The following KCNQ1 variants were observed in gnomAD, a reference collection of about 807,000 sequenced individuals.
KCNQ1 encodes the protein potassium voltage-gated channel subfamily Q member 1.
In KCNQ1, 49 loss-of-function variants were observed where a neutral mutation model predicts 72.4. The ratio of observed to expected loss-of-function variants is 0.68; its 90% CI spans 0.54 to 0.86. The LOEUF (loss-of-function observed/expected upper bound fraction) is 0.86. Among genes scored for constraint, KCNQ1 ranks in the 40% least tolerant of loss-of-function variants. The pLI is 0.00. For synonymous variants in KCNQ1, 450 were observed against 412.6 expected (o/e 1.09, Z -1.10); for missense variants, 790 against 945.1 (o/e 0.84, Z 2.15).
chr11:2,574,452 C>T lies in KCNQ1; in HGVS notation c.921+1466C>T, dbSNP rs559369317. Among the ~76,000 whole-genome samples the T allele has an allele frequency of 3.4e-4, 52 of 151,922 alleles. 1 individual carries two copies. The South Asian group carries it at 8.3e-3, about 24-fold the overall frequency. On this transcript the variant is annotated intron_variant, in intron 6 of 15. Coordinates refer to ENST00000155840, the MANE Select transcript of KCNQ1 (RefSeq NM_000218.3). ...AGGGTGGGAGCCAAGGCCTGGGGGC[C>T]GCACGGGGGCTGGAGGTGGGGGCGG...
rs1033280601 is a variant in KCNQ1, at chr11:2,471,421, C to T, written c.386+25937C>T. Among the ~76,000 whole-genome samples the T allele has an allele frequency of 3.9e-5, 6 of 152,336 alleles. No individual in the cohort carries two copies. Among genetic ancestry groups the T allele is most frequent in the African/African-American group, 7.2e-5 (3 of 41,578 alleles). On this transcript the variant is annotated intron_variant, in intron 1 of 15. Coordinates refer to ENST00000155840, the MANE Select transcript of KCNQ1 (RefSeq NM_000218.3). This position sits in a 1 kb window ranked among gnomAD's most constrained non-coding sequence, Gnocchi z 4.8. ...CAACGCCACAGCCTCTGACACTCCA[C>T]GGCACTAAAGTGTCAAGAGACCCAG...
At chr11:2,819,871 C>G (rs1223672751) in intron 15 of KCNQ1, among the ~76,000 whole-genome samples, 2 of 152,272 alleles carry the variant, frequency 1.3e-5, no homozygotes, top group African/African-American at 4.8e-5. Flanking sequence ...TGAAACTTAT[C>G]CATCATATTG....
rs1849758382 is a variant in KCNQ1, at chr11:2,651,664, C to T, written c.1394-10297C>T. 2 of 398,676 alleles carry T rather than the reference C, an allele frequency of 5.0e-6. No homozygotes were observed. The highest frequency in any genetic ancestry group is 8.8e-6 in the Non-Finnish European group (2 of 226,080). 24.7% of individuals were successfully genotyped at this position (398,676 alleles called of 1,614,324 possible). On this transcript the variant is annotated intron_variant, in intron 10 of 15. Transcript: ENST00000155840. The surrounding 1 kb of genome is among the most constrained non-coding windows in gnomAD (Gnocchi z 6.1). ...CTCTGTCTCTCCCACAGCTCACTGA[C>T]ATTAGCCACGTGGCCCTCTGTTTCC...
intron 1 of KCNQ1, among the ~76,000 whole-genome samples, chr11:2,474,001 G>A (rs774995617): frequency 2.6e-5 from 4 of 152,354 alleles, no homozygotes; most frequent in African/African-American, 7.2e-5. Context: ...GCGGGCAGCC[G>A]GGCCAACCTG....
chr11:2,465,374 C>T (rs545586016), intron 1 of KCNQ1, among the ~76,000 whole-genome samples: 55 of 152,290 alleles, frequency 3.6e-4, no homozygotes, highest in Admixed American at 1.7e-3. Flanking sequence ...GTCCCCACAG[C>T]GGACTGCCTC....
At chr11:2,650,452 G>C in intron 10 of KCNQ1, 1 of 398,546 alleles carries the variant, frequency 2.5e-6, no homozygotes. Flanking sequence ...ATTTGGGTAG[G>C]GTGCTTTGGC....
chr11:2,560,042 G>A (rs866385545), intron 2 of KCNQ1, among the ~76,000 whole-genome samples: 21 of 149,578 alleles, frequency 1.4e-4, no homozygotes, highest in Non-Finnish European at 2.2e-4. Context: ...ACACGGGGGA[G>A]GGGGTACCGC....
chr11:2,674,554 G>A lies in KCNQ1; in HGVS notation c.1514+12473G>A, dbSNP rs1348734918. The A allele has an allele frequency of 1.0e-5, 4 of 398,590 alleles. No homozygotes were observed. The highest frequency in any genetic ancestry group is 2.5e-4 in the South Asian group (2 of 7,848). 24.7% of individuals were successfully genotyped at this position (398,590 alleles called of 1,614,324 possible). On this transcript the variant is annotated intron_variant, in intron 11 of 15. Coordinates refer to ENST00000155840, the MANE Select transcript of KCNQ1 (RefSeq NM_000218.3). This position sits in a 1 kb window ranked among gnomAD's most constrained non-coding sequence, Gnocchi z 5.9. Reference sequence around the variant, plus strand: ...TTCGGAGGATTTAGACAAATACCTCGAGTGAGTGAATCTGAAGCATGCTAG... The same window carrying A: ...TTCGGAGGATTTAGACAAATACCTCAAGTGAGTGAATCTGAAGCATGCTAG...
intron 11 of KCNQ1, chr11:2,699,486 GGGGAGAGTGCCGCGCTGAGGAGCCCCCA>G: frequency 3.2e-6 from 1 of 309,552 alleles, no homozygotes; most frequent in African/African-American, 3.4e-5. Context: ...AGGAGCCCCC[GGGGAGAGTGCCGCGCTGAGGAGCCCCCA>G]GGAGAGTGCC....
intron 11 of KCNQ1, among the ~76,000 whole-genome samples, chr11:2,733,814 A>ACACACACACCCACACACTCT: frequency 1.2e-5 from 1 of 86,614 alleles, no homozygotes; most frequent in Non-Finnish European, 2.4e-5. Context: ...ACACACACAC[A>ACACACACACCCACACACTCT]CTCTCTCACT....
rs1850575826 is a variant in KCNQ1 at position 2,690,816 on chromosome 11, G to A, written c.1514+28735G>A. The stretch of plus-strand genomic sequence containing the variant: ...GAGGTCCCTGTCTCCTTGGCTTCCA[G>A]CTTCCAGGCTCTGGCACTCCCACTG... On this transcript the variant is annotated intron_variant, in intron 11 of 15. Transcript: ENST00000155840. This position sits in a 1 kb window ranked among gnomAD's most constrained non-coding sequence, Gnocchi z 5.1. 2.5e-6 allele frequency: 1 copy of A among 398,632 alleles called. No individual in the cohort carries two copies. Among genetic ancestry groups the A allele is most frequent in the Non-Finnish European group, 4.4e-6 (1 of 226,100 alleles). 24.7% of individuals were successfully genotyped at this position (398,632 alleles called of 1,614,324 possible).
chr11:2,649,263 G>GA, intron 10 of KCNQ1: 1 of 398,146 alleles, frequency 2.5e-6, no homozygotes, highest in Admixed American at 4.4e-5. Flanking sequence ...ATTGTTTTCT[G>GA]ACTGATTTGT....
chr11:2,729,161 C>T (rs975931815), intron 11 of KCNQ1, among the ~76,000 whole-genome samples: 3 of 152,222 alleles, frequency 2.0e-5, no homozygotes, highest in Non-Finnish European at 4.4e-5. Flanking sequence ...GACCTGTTGC[C>T]GAGAAGCTGC....
rs112317799 is a variant in KCNQ1 at position 2,503,748 on chromosome 11, C to G, written c.387-24180C>G. On this transcript the variant is annotated intron_variant, in intron 1 of 15. Transcript: ENST00000155840. ...TGAAAAGGTACTCAACGTCACTGAT[C>G]ATCAGAGAAATGCAAATGAAAACTA... 6.7e-4 allele frequency among the ~76,000 whole-genome samples: 102 copies of G among 152,216 alleles called. 1 individual carries two copies. Among genetic ancestry groups the G allele is most frequent in the African/African-American group, 2.2e-3 (91 of 41,522 alleles).
rs1191931411 is a variant in KCNQ1 at position 2,652,065 on chromosome 11, T to A, written c.1394-9896T>A. 2 of 398,518 alleles carry A rather than the reference T, an allele frequency of 5.0e-6. No homozygotes were observed. The allele number at this position is 398,518 out of a possible 1,614,324, so 24.7% of individuals were successfully genotyped here. A position where few individuals can be genotyped will look rare whatever the true frequency, so the allele number is the denominator to read the frequency against. On this transcript the variant is annotated intron_variant, in intron 10 of 15. Coordinates refer to ENST00000155840, the MANE Select transcript of KCNQ1 (RefSeq NM_000218.3). The surrounding 1 kb of genome is among the most constrained non-coding windows in gnomAD (Gnocchi z 5.9). ...GCTCTGACTGTGTCCAGGCTCCAAT[T>A]TGAGAAGCTATGGGGAGCCTCTCGG...
At position 2,501,547 on chromosome 11, in the gene KCNQ1, A is replaced by G. The variant is rs575916658; in HGVS notation, c.387-26381A>G. ...GAACCTGTAATTTAAAAATCTTCCAACAAAGAAAACCCTGAGACTTGATGG... is the reference window on the plus strand; with the variant it reads ...GAACCTGTAATTTAAAAATCTTCCAGCAAAGAAAACCCTGAGACTTGATGG... On this transcript the variant is annotated intron_variant, in intron 1 of 15. Transcript: ENST00000155840. Among the ~76,000 whole-genome samples the G allele has an allele frequency of 1.2e-4, 19 of 152,244 alleles. No homozygotes were observed. In the South Asian group the frequency reaches 3.7e-3, roughly 30 times the overall value.
chr11:2,572,981 GGGGTGGTAAGTC>G lies in KCNQ1; in HGVS notation c.919_921+9del, dbSNP rs794728557. 1 of 1,613,008 alleles carries G rather than the reference GGGGTGGTAAGTC, an allele frequency of 6.2e-7. No individual in the cohort carries two copies. Among genetic ancestry groups the G allele is most frequent in the Non-Finnish European group, 8.5e-7 (1 of 1,179,474 alleles). On this transcript the variant is annotated splice_donor_variant and splice_donor_5th_base_variant and coding_sequence_variant and intron_variant, in exon 6 of 16. Transcript: ENST00000155840. LOFTEE classifies it high-confidence loss of function. ...CAGCTACGCAGATGCGCTGTGGTGG[GGGGTGGTAAGTC>G]GGAAACTTCCAGGCATGGGGACAGG...
chr11:2,836,237 G>A lies in KCNQ1; in HGVS notation c.1795-11530G>A, dbSNP rs1044487035. Reference sequence around the variant, plus strand: ...GAAATGAGGGGATGGGTCTGGTAGAGCACCCCAGATTCAAGGCGGGTGGCT... The same window carrying A: ...GAAATGAGGGGATGGGTCTGGTAGAACACCCCAGATTCAAGGCGGGTGGCT... On this transcript the variant is annotated intron_variant, in intron 15 of 15. Transcript: ENST00000155840. Among the ~76,000 whole-genome samples the A allele has an allele frequency of 2.6e-5, 4 of 152,162 alleles. No homozygotes were observed. In the East Asian group the frequency reaches 7.7e-4, roughly 29 times the overall value.
rs1415517474 is a variant in KCNQ1 at position 2,626,074 on chromosome 11, C to G, written c.1394-35887C>G. The G allele has an allele frequency of 2.3e-5, 9 of 398,438 alleles. No homozygotes were observed. The highest frequency in any genetic ancestry group is 3.1e-5 in the Non-Finnish European group (7 of 226,054). 24.7% of individuals were successfully genotyped at this position (398,438 alleles called of 1,614,324 possible). ...TCTAGTTTTACTTTTATTGCCTGTG[C>G]AAGTACAATTTATCTATTTTTACTT... On this transcript the variant is annotated intron_variant, in intron 10 of 15. Transcript: ENST00000155840. The surrounding 1 kb of genome is among the most constrained non-coding windows in gnomAD (Gnocchi z 4.0).
Sources: gnomAD v4.1 joint callset for allele counts (sites outside exome capture counted in the v4.1 genomes callset) on GRCh38, gnomAD v4.1.1 for gene constraint, Gnocchi (gnomAD v3.1) non-coding constraint, MANE v1.5 for transcripts, NCBI Gene and HGNC (gene_info 2026-07-23, HGNC 2026-07-21) for gene names.